Variants in COL4A2 observed in about 807,000 individuals in gnomAD.
COL4A2 encodes the protein collagen alpha-2(IV) chain.
COL4A2 carries 99 observed loss-of-function variants against 200.2 expected under a neutral mutation model. That is an observed-to-expected ratio of 0.49 (90% CI 0.42 to 0.58). The LOEUF (loss-of-function observed/expected upper bound fraction) is 0.58, where lower values mean the gene tolerates loss of function less well. COL4A2 is among the 20% of genes least tolerant of loss of function. The pLI, the probability that COL4A2 is intolerant of heterozygous loss-of-function variation, is 0.00. For synonymous variants in COL4A2, 897 were observed against 900.6 expected, an observed-to-expected ratio of 1.00 and a Z score of 0.07; for missense variants, 1,950 against 2,314.1, an observed-to-expected ratio of 0.84 and a Z score of 3.23.
At chr13:110,480,145 TG>T in intron 30 of COL4A2, 74 bp from the exon 31 acceptor site, 1 of 1,431,192 alleles carries the variant, frequency 7.0e-7, no homozygotes. Context: ...GAACACTCAA[TG>T]CCGTAAAAGC....
chr13:110,424,711 T>C, intron 4 of COL4A2, 23 bp from the exon 5 acceptor site: 1 of 1,538,832 alleles, frequency 6.5e-7, no homozygotes, highest in Non-Finnish European at 8.9e-7. Context: ...ATCGTGGAAA[T>C]TGAACCTTTG....
chr13:110,375,638 T>C (rs1302498415), intron 4 of COL4A2, among the ~76,000 whole-genome samples: 1 of 152,190 alleles, frequency 6.6e-6, no homozygotes, highest in East Asian at 1.9e-4. Context: ...GAGACCAGCC[T>C]AGCCAACATG....
rs4238272 is a variant in COL4A2 at position 110,424,850 on chromosome 13, G to A, written c.297G>A (p.Thr99=). 0.96 allele frequency: 1,550,365 copies of A among 1,614,068 alleles called. 745,245 individuals are homozygous for A. The highest frequency in any genetic ancestry group is 1 in the East Asian group (44,844 of 44,852). Residue 99 remains threonine, a synonymous_variant, in exon 5 of 48, where the codon ACG becomes ACA. Transcript: ENST00000360467. ...DKGERGAPGV[T]GPKGDVGARG... is the part of the protein sequence containing the mutation. Reference sequence around the variant, plus strand: ...GTGAAAGGGGAGCCCCCGGAGTAACGGGACCCAAGGGCGACGTGGTACGCA... The same window carrying A: ...GTGAAAGGGGAGCCCCCGGAGTAACAGGACCCAAGGGCGACGTGGTACGCA...
At chr13:110,371,193 A>G (rs572754565) in intron 4 of COL4A2, among the ~76,000 whole-genome samples, 7 of 152,328 alleles carry the variant, frequency 4.6e-5, no homozygotes, top group Admixed American at 4.6e-4. Flanking sequence ...ATCCTTTCCT[A>G]GCAGCCGCTG....
chr13:110,432,061 G>A (rs1880701940), intron 10 of COL4A2, among the ~76,000 whole-genome samples: 1 of 152,176 alleles, frequency 6.6e-6, no homozygotes, highest in Admixed American at 6.5e-5. Flanking sequence ...GAGAGGACAT[G>A]GGTGAAGTCA....
At chr13:110,331,958 G>A (rs1410309741) in intron 3 of COL4A2, among the ~76,000 whole-genome samples, 1 of 152,072 alleles carries the variant, frequency 6.6e-6, no homozygotes, top group Non-Finnish European at 1.5e-5. Flanking sequence ...CTGTCTTAAT[G>A]ATGTCCAATA....
At chr13:110,430,914 T>C in intron 10 of COL4A2, 2 of 579,628 alleles carry the variant, frequency 3.5e-6, no homozygotes, top group Non-Finnish European at 6.6e-6. Context: ...CAGCCCATCA[T>C]CCCTGGGCAA....
chr13:110,496,819 A>G (rs1368646141), intron 40 of COL4A2, among the ~76,000 whole-genome samples: 5 of 147,512 alleles, frequency 3.4e-5, no homozygotes, highest in African/African-American at 1.3e-4. Flanking sequence ...ATGAGGATCT[A>G]AGGTCAGTCC....
At chr13:110,377,463 C>G (rs1175776449) in intron 4 of COL4A2, among the ~76,000 whole-genome samples, 1 of 152,200 alleles carries the variant, frequency 6.6e-6, no homozygotes, top group African/African-American at 2.4e-5. Context: ...GTATCCATCT[C>G]CATCCCAGGA....
rs754306681 is a variant in COL4A2, at chr13:110,503,082, C to T, written c.3878-39C>T. ...TGACTGCCCCCAGGGGCCTTGGGGC[C>T]CTGTTTAAACCCTCCTTTCTTGTCC... On this transcript the variant is annotated intron_variant, in intron 41 of 47. Coordinates refer to ENST00000360467, the MANE Select transcript of COL4A2 (RefSeq NM_001846.4). 2.4e-5 allele frequency: 39 copies of T among 1,597,152 alleles called. No individual in the cohort carries two copies. The South Asian group carries it at 4.4e-4, about 18-fold the overall frequency.
intron 4 of COL4A2, among the ~76,000 whole-genome samples, chr13:110,389,431 A>G (rs1170342411): frequency 6.6e-6 from 1 of 152,220 alleles, no homozygotes; most frequent in African/African-American, 2.4e-5. Context: ...TCCACCCTTC[A>G]TGATTTAATT....
In COL4A2 at chr13:110,399,805, T is replaced by C. The variant is rs552494864; in HGVS notation, c.181-24929T>C. Among the ~76,000 whole-genome samples, 5 of 152,346 alleles carry C rather than the reference T, an allele frequency of 3.3e-5. No homozygotes were observed. In the South Asian group the frequency reaches 1.0e-3, roughly 32 times the overall value. On this transcript the variant is annotated intron_variant, in intron 4 of 47. Transcript: ENST00000360467. ...GGCAGGAATATGATAGGCCACCTGC[T>C]TCTTTTAGGGGAAAACATTCTGTTT...
intron 7 of COL4A2, 25 bp downstream of exon 7, chr13:110,428,608 C>T: frequency 7.3e-7 from 1 of 1,372,028 alleles, no homozygotes; most frequent in Admixed American, 2.7e-5. Flanking sequence ...AGCGCCTGTG[C>T]TCCAGGGACG....
chr13:110,477,004 A>T (rs1272266503), intron 29 of COL4A2, among the ~76,000 whole-genome samples: 1 of 152,232 alleles, frequency 6.6e-6, no homozygotes, highest in Non-Finnish European at 1.5e-5. Flanking sequence ...GTCAGTGTAT[A>T]TGAGGAATAC....
Position 110,462,168 on chromosome 13 carries a change from AG to A in COL4A2, c.1652del (p.Arg551LysfsTer20), listed in dbSNP as rs1566547490. The A allele has an allele frequency of 1.2e-6, 2 of 1,614,282 alleles. No individual in the cohort carries two copies. Among genetic ancestry groups the A allele is most frequent in the Non-Finnish European group, 1.7e-6 (2 of 1,180,058 alleles). On this transcript the variant is annotated frameshift_variant, in exon 23 of 48. Transcript: ENST00000360467. LOFTEE classifies it high-confidence loss of function. Reference protein sequence around the residue: ...PGPKGAKGDSRTITTKGERGQ... With the variant: ...PGPKGAKGDSXTITTKGERGQ... The stretch of plus-strand genomic sequence containing the variant: ...ACCCAAAGGAGCAAAAGGAGATTCC[AG>A]AACAATCACAACCAAAGGTGAGTTC...
intron 41 of COL4A2, 33 bp downstream of exon 41, chr13:110,501,817 T>A (rs1193691892): frequency 6.3e-7 from 1 of 1,591,374 alleles, no homozygotes; most frequent in African/African-American, 1.3e-5. Flanking sequence ...TGCTTCGACA[T>A]CTCTAGGGGC....
At position 110,467,023 on chromosome 13, in the gene COL4A2, CT is replaced by C. The variant is rs1214695830; in HGVS notation, c.2039-16del. On this transcript the variant is annotated splice_polypyrimidine_tract_variant and intron_variant, in intron 26 of 47. Transcript: ENST00000360467. Reference sequence around the variant, plus strand: ...TTAGGATTGCTTGGGCTCATCTTTTCTCCTTTCTGTCCCCAGGTTGCATAGG... The same window carrying C: ...TTAGGATTGCTTGGGCTCATCTTTTCCCTTTCTGTCCCCAGGTTGCATAGG... 1 of 1,613,972 alleles carries C rather than the reference CT, an allele frequency of 6.2e-7. No homozygotes were observed. The highest frequency in any genetic ancestry group is 2.2e-5 in the East Asian group (1 of 44,874).
At chr13:110,460,221 G>A (rs757817331) in intron 22 of COL4A2, among the ~76,000 whole-genome samples, 2 of 152,200 alleles carry the variant, frequency 1.3e-5, no homozygotes, top group African/African-American at 4.8e-5. Flanking sequence ...CCGCAGAGCT[G>A]TGTTGCTGAC....
At chr13:110,465,691 G>A in intron 25 of COL4A2, 85 bp downstream of exon 25, 1 of 1,232,268 alleles carries the variant, frequency 8.1e-7, no homozygotes, top group Non-Finnish European at 1.1e-6. Context: ...TCCCAGTAGA[G>A]TCAGATGAGG....
Sources: gnomAD v4.1 joint callset for allele counts (sites outside exome capture counted in the v4.1 genomes callset) on GRCh38, gnomAD v4.1.1 for gene constraint, MANE v1.5 for transcripts, NCBI Gene and HGNC (gene_info 2026-07-23, HGNC 2026-07-21) for gene names.